C2orf72: variants seen among roughly 807,000 people sequenced by gnomAD.
The protein encoded by C2orf72 is uncharacterized protein C2orf72.
In C2orf72, 16 loss-of-function variants were observed where a neutral mutation model predicts 14.4. That is an observed-to-expected ratio of 1.11 (90% confidence interval 0.75 to 1.69). C2orf72 has a LOEUF of 1.69. Among genes scored for constraint, C2orf72 ranks in the 40% most tolerant of loss-of-function variants. The probability of loss-of-function intolerance (pLI) is 0.00; values close to 1 mark genes in which losing one functional copy is unlikely to be tolerated. For synonymous variants in C2orf72, 168 were observed against 176.8 expected (o/e 0.95, Z 0.40); for missense variants, 371 against 358.3 (o/e 1.04, Z -0.29).
At chr2:231,046,291 A>AGTGTGTGTGTGTGTGTGT (rs34513584) in intron 2 of C2orf72, among the ~76,000 whole-genome samples, 1 of 136,182 alleles carries the variant, frequency 7.3e-6, no homozygotes, top group Non-Finnish European at 1.6e-5. Context: ...ACTTCTATGC[A>AGTGTGTGTGTGTGTGTGT]GTGTGTGTGT....
intron 2 of C2orf72, among the ~76,000 whole-genome samples, chr2:231,045,565 T>G (rs1485315191): frequency 6.9e-6 from 1 of 144,314 alleles, no homozygotes; most frequent in Non-Finnish European, 1.5e-5. Flanking sequence ...TCACCCAGGC[T>G]GCACTGTGCA....
Position 231,038,135 on chromosome 2 carries a change from C to T in C2orf72, c.570C>T (p.Ala190=). ...CCGCCTACTGCCCCGGCCTCCCGGC[C>T]TCCTGCCTGGCCGTCCAGGCGGCCG... The part of the protein sequence containing the change: ...QAAAYCPGLP[A]SCLAVQAAAC... Residue 190 remains alanine (A), a synonymous_variant, in exon 1 of 3, where the codon GCC becomes GCT. Coordinates refer to ENST00000373640, the MANE Select transcript of C2orf72 (RefSeq NM_001144994.2). The T allele has an allele frequency of 6.7e-6, 8 of 1,185,710 alleles. No individual in the cohort carries two copies. Among genetic ancestry groups the T allele is most frequent in the Non-Finnish European group, 8.3e-6 (8 of 958,140 alleles). 73.4% of individuals were successfully genotyped at this position (1,185,710 alleles called of 1,614,324 possible). A position where few individuals can be genotyped will look rare whatever the true frequency, so the allele number is the denominator to read the frequency against.
At chr2:231,044,007 T>C (rs1693377070) in intron 2 of C2orf72, among the ~76,000 whole-genome samples, 1 of 152,248 alleles carries the variant, frequency 6.6e-6, no homozygotes, top group Non-Finnish European at 1.5e-5. Flanking sequence ...AGCAGGTTAC[T>C]GTCCTGAATA....
intron 2 of C2orf72, 47 bp downstream of exon 2, chr2:231,041,456 A>C: frequency 7.1e-7 from 1 of 1,412,074 alleles, no homozygotes; most frequent in African/African-American, 1.4e-5. Flanking sequence ...GGTGCATGGA[A>C]TTATGGGAGT....
At position 231,048,778 on chromosome 2, in the gene C2orf72, C is replaced by T. The variant is rs1693453120; in HGVS notation, c.*1757C>T. On this transcript the variant is annotated 3_prime_UTR_variant, in exon 3 of 3. Transcript: ENST00000373640. The stretch of plus-strand genomic sequence containing the variant: ...GCCTGCCAGTGGATCTATCCAGCTG[C>T]TTCCTTGTAGCCAAGAATGAGTTCA... 1 of 152,200 alleles carries T rather than the reference C, an allele frequency of 6.6e-6. No homozygotes were observed. The highest frequency in any genetic ancestry group is 2.4e-5 in the African/African-American group (1 of 41,452). 9.4% of individuals were successfully genotyped at this position (152,200 alleles called of 1,614,324 possible).
rs1693272022 is a variant in C2orf72, at chr2:231,037,742, G to A, written c.177G>A (p.Pro59=). 1.0e-6 allele frequency: 1 copy of A among 1,003,898 alleles called. No homozygotes were observed. Among genetic ancestry groups the A allele is most frequent in the Non-Finnish European group, 1.2e-6 (1 of 843,954 alleles). The allele number at this position is 1,003,898 out of a possible 1,614,324, so 62.2% of individuals were successfully genotyped here. Residue 59 remains proline (P), a synonymous_variant, in exon 1 of 3, where the codon CCG becomes CCA. Coordinates refer to ENST00000373640, the MANE Select transcript of C2orf72 (RefSeq NM_001144994.2). ...LRDFARAVFP[P]EPGAAKPGGA... is the part of the protein sequence containing the mutation. Reference sequence around the variant, plus strand: ...ACTTCGCACGGGCGGTGTTCCCGCCGGAGCCAGGCGCGGCCAAGCCGGGCG... The same window carrying A: ...ACTTCGCACGGGCGGTGTTCCCGCCAGAGCCAGGCGCGGCCAAGCCGGGCG...
rs1165205423 is a variant in C2orf72 at position 231,049,407 on chromosome 2, T to C, written c.*2386T>C. 1 of 152,220 alleles carries C rather than the reference T, an allele frequency of 6.6e-6. No homozygotes were observed. The highest frequency in any genetic ancestry group is 1.5e-5 in the Non-Finnish European group (1 of 68,046). 9.4% of individuals were successfully genotyped at this position (152,220 alleles called of 1,614,324 possible). ...CATCATCGTTGTAGGGACAGTCTCA[T>C]TGCTGTCTTCTAGCAGACAGAAGAG... On this transcript the variant is annotated 3_prime_UTR_variant, in exon 3 of 3. Coordinates refer to ENST00000373640, the MANE Select transcript of C2orf72 (RefSeq NM_001144994.2).
chr2:231,039,430 T>A (rs1693311541), intron 1 of C2orf72, among the ~76,000 whole-genome samples: 2 of 151,064 alleles, frequency 1.3e-5, no homozygotes, highest in South Asian at 4.2e-4. Flanking sequence ...CTTCAAGCCC[T>A]CCAGCCCCTT....
chr2:231,044,666 ATTTTTTTTT>A (rs934535205), intron 2 of C2orf72, among the ~76,000 whole-genome samples: 1 of 115,096 alleles, frequency 8.7e-6, no homozygotes, highest in South Asian at 2.7e-4. Context: ...TCCTATTTTA[ATTTTTTTTT>A]TTTTTTTTTT....
In C2orf72 at chr2:231,041,305, C is replaced by T. The variant is rs1189384680; in HGVS notation, c.644C>T (p.Ala215Val). Residue 215 changes from alanine (A) to valine (V), a missense_variant, in exon 2 of 3, where the codon GCC becomes GTC. This residue lies in a region of C2orf72 where 145 missense variants were observed against 149.4 expected (regional missense o/e 0.97). Transcript: ENST00000373640. Reference protein sequence around the residue: ...AAGAGQPVEGAWERPGLPGLL... With the variant: ...AAGAGQPVEGVWERPGLPGLL... The stretch of plus-strand genomic sequence containing the variant: ...TTTGTGTTCTTCCTAGTGGAAGGAG[C>T]CTGGGAGAGGCCAGGCCTCCCCGGA... The T allele has an allele frequency of 6.5e-7, 1 of 1,550,270 alleles. No individual in the cohort carries two copies.
Position 231,037,879 on chromosome 2 carries a change from C to A in C2orf72, c.314C>A (p.Pro105Gln), listed in dbSNP as rs1448292875. 1.9e-5 allele frequency: 19 copies of A among 988,560 alleles called. No individual in the cohort carries two copies. Among genetic ancestry groups the A allele is most frequent in the African/African-American group, 1.1e-4 (6 of 56,060 alleles). 61.2% of individuals were successfully genotyped at this position (988,560 alleles called of 1,614,324 possible). The change falls in exon 1 of 3, where the codon CCG becomes CAG. Residue 105 changes from proline (P) to glutamine (Q), a missense_variant. Physicochemically the swap from Pro to Gln is moderately conservative, Grantham distance 76. Coordinates refer to ENST00000373640, the MANE Select transcript of C2orf72 (RefSeq NM_001144994.2). ...GCGGCGGCGCGCGCCATCCGCTCGCCGCTGGTCTTCGTGCTGTGCCGCGCG... is the reference window on the plus strand; with the variant it reads ...GCGGCGGCGCGCGCCATCCGCTCGCAGCTGGTCTTCGTGCTGTGCCGCGCG... ...AAAAARAIRS[P>Q]LVFVLCRASS...
chr2:231,041,368 G>A lies in C2orf72; in HGVS notation c.707G>A (p.Arg236Lys). The A allele has an allele frequency of 6.4e-7, 1 of 1,551,606 alleles. No homozygotes were observed. The change falls in exon 2 of 3, where the codon AGG becomes AAG. Residue 236 changes from arginine to lysine, a missense_variant. Transcript: ENST00000373640. ...ACFSWGPWSR[R>K]KNQDVAACRS... Reference sequence around the variant, plus strand: ...TTTTCCTGGGGTCCCTGGAGCCGGAGGAAGAACCAGGATGTTGCTGCCTGC... The same window carrying A: ...TTTTCCTGGGGTCCCTGGAGCCGGAAGAAGAACCAGGATGTTGCTGCCTGC...
rs762731219 is a variant in C2orf72, at chr2:231,046,951, T to G, written c.818T>G (p.Leu273Arg). 7.1e-6 allele frequency: 11 copies of G among 1,551,562 alleles called. No individual in the cohort carries two copies. In the South Asian group the frequency reaches 1.3e-4, roughly 18 times the overall value. Residue 273 changes from leucine (L) to arginine (R), a missense_variant, in exon 3 of 3, where the codon CTT becomes CGT. Physicochemically the swap from Leu to Arg is moderately radical, Grantham distance 102. This residue lies in a region of C2orf72 where 145 missense variants were observed against 149.4 expected (regional missense o/e 0.97). Coordinates refer to ENST00000373640, the MANE Select transcript of C2orf72 (RefSeq NM_001144994.2). ...TTTCCCAATGGAGACTGTGATGACCTTGGAAGGGGGTCAAAAGCCTGTGAT... is the reference window on the plus strand; with the variant it reads ...TTTCCCAATGGAGACTGTGATGACCGTGGAAGGGGGTCAAAAGCCTGTGAT... ...AIFPNGDCDD[L>R]GRGSKACDGV...
rs1185093862 is a variant in C2orf72, at chr2:231,037,648, G to T, written c.83G>T (p.Gly28Val). 1 of 1,121,444 alleles carries T rather than the reference G, an allele frequency of 8.9e-7. No individual in the cohort carries two copies. Among genetic ancestry groups the T allele is most frequent in the Non-Finnish European group, 1.1e-6 (1 of 913,670 alleles). 69.5% of individuals were successfully genotyped at this position (1,121,444 alleles called of 1,614,324 possible). A position where few individuals can be genotyped will look rare whatever the true frequency, so the allele number is the denominator to read the frequency against. Reference protein sequence around the residue: ...PPFQALVEAAGGRGQVLLVGE... With the variant: ...PPFQALVEAAVGRGQVLLVGE... ...TTCCAGGCGTTGGTGGAAGCGGCGG[G>T]GGGCCGCGGGCAGGTGCTGCTGGTG... The change falls in exon 1 of 3, where the codon GGG becomes GTG. Residue 28 changes from glycine (G) to valine (V), a missense_variant. Gly to Val is a moderately radical substitution (Grantham distance 109). Around this residue, in one of 3 missense-constraint regions of C2orf72, gnomAD observed 214 missense variants for 178.7 expected, o/e 1.20. Coordinates refer to ENST00000373640, the MANE Select transcript of C2orf72 (RefSeq NM_001144994.2).
intron 2 of C2orf72, among the ~76,000 whole-genome samples, chr2:231,043,091 G>A (rs1693365076): frequency 6.6e-6 from 1 of 152,236 alleles, no homozygotes; most frequent in Non-Finnish European, 1.5e-5. Flanking sequence ...CTGTCAGCTG[G>A]GGCTGCTCTC....
In C2orf72 at chr2:231,038,124, G is replaced by A. The variant is rs1035502862; in HGVS notation, c.559G>A (p.Gly187Ser). Residue 187 changes from glycine (G) to serine (S), a missense_variant, in exon 1 of 3, where the codon GGC (glycine) becomes AGC (serine). This residue lies in a region of C2orf72 where 145 missense variants were observed against 149.4 expected (regional missense o/e 0.97). Coordinates refer to ENST00000373640, the MANE Select transcript of C2orf72 (RefSeq NM_001144994.2). ...GPVQAAAYCP[G>S]LPASCLAVQA... is the part of the protein sequence containing the mutation. The stretch of plus-strand genomic sequence containing the variant: ...CGTGCAGGCGGCCGCCTACTGCCCC[G>A]GCCTCCCGGCCTCCTGCCTGGCCGT... 3.6e-6 allele frequency: 4 copies of A among 1,108,480 alleles called. No homozygotes were observed. Among genetic ancestry groups the A allele is most frequent in the African/African-American group, 1.7e-5 (1 of 59,306 alleles). The allele number at this position is 1,108,480 out of a possible 1,614,324, so 68.7% of individuals were successfully genotyped here.
At chr2:231,039,107 G>T (rs889812190) in intron 1 of C2orf72, among the ~76,000 whole-genome samples, 2 of 151,852 alleles carry the variant, frequency 1.3e-5, no homozygotes, top group African/African-American at 4.8e-5. Context: ...CTCACTCGTA[G>T]GTGGGAATTG....
At chr2:231,041,180 A>G (rs1446536524) in intron 1 of C2orf72, 116 bp from the exon 2 acceptor site, 1 of 693,814 alleles carries the variant, frequency 1.4e-6, no homozygotes. Flanking sequence ...TTTTAATCAG[A>G]CAGTTGAAAC....
At chr2:231,038,442 C>T (rs1036119180) in intron 1 of C2orf72, among the ~76,000 whole-genome samples, 1 of 146,832 alleles carries the variant, frequency 6.8e-6, no homozygotes, top group Non-Finnish European at 1.5e-5. Flanking sequence ...AGCTGAGGGG[C>T]CGAGTAGAAG....
Sources: gnomAD v4.1 joint callset for allele counts (sites outside exome capture counted in the v4.1 genomes callset) on GRCh38, gnomAD v4.1.1 for gene constraint, gnomAD v4.1.1 regional missense constraint, MANE v1.5 for transcripts, NCBI Gene and HGNC (gene_info 2026-07-23, HGNC 2026-07-21) for gene names.